STPG2: variants seen among roughly 807,000 people sequenced by gnomAD.
The protein encoded by STPG2 is sperm-tail PG-rich repeat-containing protein 2.
A neutral mutation model predicts 54.2 loss-of-function variants in STPG2; 56 were observed. That is an observed-to-expected ratio of 1.03 (90% CI 0.83 to 1.29). The LOEUF (loss-of-function observed/expected upper bound fraction) is 1.29. STPG2 is among the 50% of genes most tolerant of loss of function. The pLI is 0.00. For synonymous variants in STPG2, 200 were observed against 181.8 expected, an observed-to-expected ratio of 1.10 and a Z score of -0.81; for missense variants, 596 against 544.9, an observed-to-expected ratio of 1.09 and a Z score of -0.93.
At chr4:97,803,400 A>T (rs1293566112) in intron 9 of STPG2, among the ~76,000 whole-genome samples, 1 of 152,242 alleles carries the variant, frequency 6.6e-6, no homozygotes, top group African/African-American at 2.4e-5. Context: ...CAAAAAATTT[A>T]AAAATCCCAA....
intron 5 of STPG2, among the ~76,000 whole-genome samples, chr4:97,991,430 A>AGTGTGT (rs150498433): frequency 0.012 from 1,680 of 141,432 alleles, 27 homozygotes; most frequent in African/African-American, 0.042. Flanking sequence ...AATACTACTC[A>AGTGTGT]GTGTGTGTGT....
At chr4:97,927,450 T>C (rs939739846) in intron 8 of STPG2, among the ~76,000 whole-genome samples, 2 of 152,120 alleles carry the variant, frequency 1.3e-5, no homozygotes, top group African/African-American at 4.8e-5. Context: ...AACTTTTAGT[T>C]TCTCAATAAC....
At chr4:97,617,886 A>C (rs1733914386) in intron 10 of STPG2, among the ~76,000 whole-genome samples, 1 of 152,206 alleles carries the variant, frequency 6.6e-6, no homozygotes, top group African/African-American at 2.4e-5. Context: ...TATACATCAT[A>C]GTCTTTAAGA....
At chr4:97,700,283 T>C (rs1207686310) in intron 10 of STPG2, among the ~76,000 whole-genome samples, 4 of 152,166 alleles carry the variant, frequency 2.6e-5, no homozygotes, top group Admixed American at 6.5e-5. Flanking sequence ...CCTGGACCTG[T>C]TACAGAACCT....
chr4:98,063,222 G>T (rs892640602), intron 5 of STPG2, among the ~76,000 whole-genome samples: 1 of 151,990 alleles, frequency 6.6e-6, no homozygotes, highest in African/African-American at 2.4e-5. Flanking sequence ...AGACCTAGGT[G>T]GGCGGATCAC....
At chr4:97,911,815 C>T (rs1271272657) in intron 8 of STPG2, among the ~76,000 whole-genome samples, 2 of 152,118 alleles carry the variant, frequency 1.3e-5, no homozygotes, top group Non-Finnish European at 2.9e-5. Context: ...TCCAGCACAG[C>T]GGAGTCACCC....
intron 8 of STPG2, among the ~76,000 whole-genome samples, chr4:97,904,045 G>A (rs1481667610): frequency 6.6e-6 from 1 of 152,208 alleles, no homozygotes; most frequent in Admixed American, 6.5e-5. Context: ...CATTGCCCAG[G>A]CTTGCTTAGG....
intron 10 of STPG2, among the ~76,000 whole-genome samples, chr4:97,630,473 TCTTAG>T (rs1460576675): frequency 4.6e-5 from 7 of 151,988 alleles, no homozygotes; most frequent in African/African-American, 1.7e-4. Context: ...TGACTCCACT[TCTTAG>T]CTTAATGTTA....
At chr4:97,775,354 G>A (rs913372891) in intron 9 of STPG2, among the ~76,000 whole-genome samples, 8 of 151,956 alleles carry the variant, frequency 5.3e-5, no homozygotes, top group South Asian at 4.1e-4. Context: ...TGCTGCACCC[G>A]TTAACTTGTC....
intron 10 of STPG2, among the ~76,000 whole-genome samples, chr4:97,598,468 A>G (rs1733360144): frequency 6.6e-6 from 1 of 151,950 alleles, no homozygotes; most frequent in Non-Finnish European, 1.5e-5. Flanking sequence ...AACAACAACA[A>G]CAGCAAAAAC....
chr4:98,072,943 G>C (rs147765718), intron 5 of STPG2, among the ~76,000 whole-genome samples: 22 of 152,226 alleles, frequency 1.4e-4, no homozygotes, highest in Non-Finnish European at 2.6e-4. Context: ...TTTATCTCAA[G>C]TAATCTCATT....
chr4:97,595,434 C>T (rs1344205556), intron 10 of STPG2, among the ~76,000 whole-genome samples: 1 of 151,856 alleles, frequency 6.6e-6, no homozygotes, highest in Admixed American at 6.6e-5. Context: ...GAACATCACA[C>T]ACCGGGGCCT....
At chr4:97,644,374 TG>T (rs1435451936) in intron 10 of STPG2, among the ~76,000 whole-genome samples, 2 of 151,990 alleles carry the variant, frequency 1.3e-5, no homozygotes, top group African/African-American at 4.8e-5. Flanking sequence ...GTCTCTCCCA[TG>T]TCACTGCTTT....
At chr4:97,848,547 T>A (rs1246326678) in intron 8 of STPG2, among the ~76,000 whole-genome samples, 3 of 152,172 alleles carry the variant, frequency 2.0e-5, no homozygotes, top group African/African-American at 7.2e-5. Flanking sequence ...CTGCATCGTA[T>A]TTAGGTTGTG....
At chr4:97,951,518 A>T (rs1389097382) in intron 7 of STPG2, among the ~76,000 whole-genome samples, 1 of 151,744 alleles carries the variant, frequency 6.6e-6, no homozygotes, top group East Asian at 1.9e-4. Flanking sequence ...TTCCCCCCTT[A>T]AGACTGTGAC....
chr4:97,461,024 A>G (rs973070163), intron 4 of STPG2, among the ~76,000 whole-genome samples: 9 of 152,142 alleles, frequency 5.9e-5, no homozygotes, highest in African/African-American at 1.9e-4. Flanking sequence ...TCTGATGGCC[A>G]TTTCTGGGTT....
chr4:97,761,597 A>C (rs1725892556), intron 9 of STPG2, among the ~76,000 whole-genome samples: 1 of 152,138 alleles, frequency 6.6e-6, no homozygotes, highest in African/African-American at 2.4e-5. Context: ...GCCCTGGCAA[A>C]CCAATACACC....
chr4:97,948,266 T>C (rs1027987072), intron 7 of STPG2, among the ~76,000 whole-genome samples: 2 of 152,050 alleles, frequency 1.3e-5, no homozygotes, highest in African/African-American at 4.8e-5. Context: ...GGTTGTAATG[T>C]CTCCAATTTT....
At chr4:97,645,474 G>A (rs1407262997) in intron 10 of STPG2, among the ~76,000 whole-genome samples, 2 of 152,152 alleles carry the variant, frequency 1.3e-5, no homozygotes, top group Admixed American at 1.3e-4. Flanking sequence ...GGCTATCAGA[G>A]TTGCAAATAC....
Sources: allele counts gnomAD v4.1 joint callset (sites outside exome capture counted in the v4.1 genomes callset), GRCh38; gene constraint gnomAD v4.1.1; transcripts MANE v1.5; gene names NCBI Gene and HGNC (gene_info 2026-07-23, HGNC 2026-07-21).